Variants in ZFP90 observed in about 807,000 individuals in gnomAD.
The protein encoded by ZFP90 is zinc finger protein 90 homolog.
Under a neutral mutation model 60.8 loss-of-function variants are expected in ZFP90, and 38 were observed. The ratio of observed to expected loss-of-function variants is 0.62; its 90% CI spans 0.48 to 0.82. The LOEUF is 0.82. ZFP90 is among the 40% of genes least tolerant of loss of function. The pLI is 0.00. For synonymous variants in ZFP90, 287 were observed against 264.8 expected (o/e 1.08, Z -0.82); for missense variants, 711 against 759.1 (o/e 0.94, Z 0.74).
chr16:68,558,691 C>T lies in ZFP90; in HGVS notation c.256+123C>T, dbSNP rs535443084. 2.6e-4 allele frequency: 200 copies of T among 783,890 alleles called. 3 individuals carry two copies. In the South Asian group the frequency reaches 2.9e-3, roughly 11 times the overall value. The allele number at this position is 783,890 out of a possible 1,614,324, so 48.6% of individuals were successfully genotyped here. On this transcript the variant is annotated intron_variant, in intron 4 of 4. Coordinates refer to ENST00000563169, the MANE Select transcript of ZFP90 (RefSeq NM_001305203.2). The stretch of plus-strand genomic sequence containing the variant: ...GATCTGCATAGGAGGCTGAAGCCAT[C>T]GCCTGGCCGACACCTTGTAGGTCTC...
At chr16:68,555,530 G>A (rs1728765) in intron 2 of ZFP90, among the ~76,000 whole-genome samples, 116,935 of 152,132 alleles carry the variant, frequency 0.77, 45,023 homozygotes, top group East Asian at 0.82. Flanking sequence ...AACTCATTCA[G>A]GAAACAGAGA....
In ZFP90 at chr16:68,564,559, G is replaced by GA. The variant is rs747260313; in HGVS notation, c.1780dup (p.Thr594AsnfsTer5). On this transcript the variant is annotated frameshift_variant, in exon 5 of 5. Coordinates refer to ENST00000563169, the MANE Select transcript of ZFP90 (RefSeq NM_001305203.2). LOFTEE classifies it high-confidence loss of function. ...TGTAATGAATGTGGGAGAGCCTTCC[G>GA]AAAAAAAACCAACCTGCATGATCAT... 1.4e-5 allele frequency: 22 copies of GA among 1,612,678 alleles called. No individual in the cohort carries two copies. The highest frequency in any genetic ancestry group is 2.7e-5 in the African/African-American group (2 of 74,630).
intron 2 of ZFP90, among the ~76,000 whole-genome samples, chr16:68,543,029 G>A (rs1182799739): frequency 2.0e-5 from 3 of 152,166 alleles, no homozygotes; most frequent in Non-Finnish European, 4.4e-5. Flanking sequence ...GGGTCTGAGT[G>A]GGGAGGTGGG....
At chr16:68,536,249 G>C (rs1305511810), upstream of ZFP90, among the ~76,000 whole-genome samples, 1 of 152,146 alleles carries the variant, frequency 6.6e-6, no homozygotes, top group Non-Finnish European at 1.5e-5. Flanking sequence ...CTTGCAAGTA[G>C]GAGCGGTGGT....
rs1270558712 is a variant in ZFP90, at chr16:68,539,446, G to C, written c.-69G>C. 2.8e-6 allele frequency: 1 copy of C among 359,762 alleles called. No homozygotes were observed. The highest frequency in any genetic ancestry group is 2.1e-5 in the African/African-American group (1 of 47,618). 22.3% of individuals were successfully genotyped at this position (359,762 alleles called of 1,614,324 possible). On this transcript the variant is annotated 5_prime_UTR_variant, in exon 1 of 5. Coordinates refer to ENST00000563169, the MANE Select transcript of ZFP90 (RefSeq NM_001305203.2). The stretch of plus-strand genomic sequence containing the variant: ...AGGCTCTGGGTGGGCCGGAGGTCGC[G>C]AAATCCGGAGCCCCCCAGAGGCGGT...
chr16:68,569,261 T>A (rs538062502), downstream of ZFP90, among the ~76,000 whole-genome samples: 21 of 150,540 alleles, frequency 1.4e-4, no homozygotes, highest in Admixed American at 8.0e-4. Flanking sequence ...CTCAGCCTCC[T>A]GAGTAGCTGG....
downstream of ZFP90, among the ~76,000 whole-genome samples, chr16:68,569,768 CGTG>C (rs534636237): frequency 9.0e-3 from 1,377 of 152,188 alleles, 15 homozygotes; most frequent in Middle Eastern, 0.014. Context: ...AGTCTCATAA[CGTG>C]GTCTCAAAAA....
rs143435333 is a variant in ZFP90, at chr16:68,565,651, C to T, written c.*953C>T. The T allele has an allele frequency of 0.018, 18,021 of 985,532 alleles. 181 individuals carry two copies. Among genetic ancestry groups the T allele is most frequent in the Non-Finnish European group, 0.02 (16,481 of 829,918 alleles). The allele number at this position is 985,532 out of a possible 1,614,324, so 61.0% of individuals were successfully genotyped here. On this transcript the variant is annotated 3_prime_UTR_variant, in exon 5 of 5. Coordinates refer to ENST00000563169, the MANE Select transcript of ZFP90 (RefSeq NM_001305203.2). ...TGGCATGCCCATGAAAAAGCACTTT[C>T]TTAAGCCTACAGTATCAGATCAATG...
chr16:68,536,051 C>T (rs188612456), upstream of ZFP90, among the ~76,000 whole-genome samples: 2 of 152,310 alleles, frequency 1.3e-5, no homozygotes, highest in Admixed American at 6.5e-5. Flanking sequence ...GCACCTTTCC[C>T]CTGGGGGCTA....
chr16:68,564,613 A>G lies in ZFP90; in HGVS notation c.1826A>G (p.Tyr609Cys), dbSNP rs1344389472. ...AGAATTCATACTGGAGAAAAACCCT[A>G]TTCTTGTAAGGAATGTGGGAAAAAC... ...HQRIHTGEKPYSCKECGKNFS... is the reference protein window; with the variant it reads ...HQRIHTGEKPCSCKECGKNFS... Residue 609 changes from tyrosine (Y) to cysteine (C), a missense_variant, in exon 5 of 5, where the codon TAT (tyrosine) becomes TGT (cysteine). Coordinates refer to ENST00000563169, the MANE Select transcript of ZFP90 (RefSeq NM_001305203.2). 19 of 1,614,000 alleles carry G rather than the reference A, an allele frequency of 1.2e-5. 1 individual carries two copies. In the South Asian group the frequency reaches 1.6e-4, roughly 14 times the overall value.
At chr16:68,550,184 A>T (rs1406261046) in intron 2 of ZFP90, among the ~76,000 whole-genome samples, 2 of 152,200 alleles carry the variant, frequency 1.3e-5, no homozygotes, top group Non-Finnish European at 2.9e-5. Context: ...ACATGTGATA[A>T]ATGTTTTAAA....
chr16:68,539,959 C>T, intron 2 of ZFP90, 134 bp downstream of exon 2: 5 of 1,293,606 alleles, frequency 3.9e-6, no homozygotes, highest in East Asian at 5.5e-5. Flanking sequence ...GCCTCCTGGC[C>T]ATGGAAAACC....
chr16:68,561,294 G>A (rs1645938), intron 4 of ZFP90, among the ~76,000 whole-genome samples: 116,909 of 152,162 alleles, frequency 0.77, 44,997 homozygotes, highest in East Asian at 0.82. Flanking sequence ...GTTCCCTATC[G>A]TACTTCCAGT....
At chr16:68,550,769 G>A (rs1004931892) in intron 2 of ZFP90, among the ~76,000 whole-genome samples, 1 of 152,182 alleles carries the variant, frequency 6.6e-6, no homozygotes, top group East Asian at 1.9e-4. Flanking sequence ...CCATTCCCTG[G>A]ATTAATGCTG....
downstream of ZFP90, among the ~76,000 whole-genome samples, chr16:68,569,611 A>G (rs1319108663): frequency 1.3e-5 from 2 of 152,144 alleles, no homozygotes; most frequent in Non-Finnish European, 2.9e-5. Flanking sequence ...AAGAAAAGGA[A>G]TCAGAAGAGG....
upstream of ZFP90, among the ~76,000 whole-genome samples, chr16:68,534,879 C>T (rs2152048966): frequency 6.6e-6 from 1 of 151,994 alleles, no homozygotes; most frequent in South Asian, 2.1e-4. Flanking sequence ...TGTACTCCAG[C>T]CTGGGTGACA....
At chr16:68,563,013 A>G in intron 4 of ZFP90, 31 bp from the exon 5 acceptor site, 1 of 1,612,898 alleles carries the variant, frequency 6.2e-7, no homozygotes, top group East Asian at 2.2e-5. Flanking sequence ...AGGAAGGAAT[A>G]GGGGACTTTT....
At chr16:68,540,703 G>T (rs1010016556) in intron 2 of ZFP90, among the ~76,000 whole-genome samples, 2 of 150,626 alleles carry the variant, frequency 1.3e-5, no homozygotes, top group Non-Finnish European at 2.9e-5. Context: ...CAGGTACAGT[G>T]GGTCACACCT....
In ZFP90 at chr16:68,539,845, C is replaced by T. The variant is rs756995396; in HGVS notation, c.33+20C>T. The T allele has an allele frequency of 5.2e-5, 84 of 1,605,446 alleles. No homozygotes were observed. The highest frequency in any genetic ancestry group is 3.3e-4 in the Middle Eastern group (2 of 6,070). On this transcript the variant is annotated intron_variant, in intron 2 of 4. Transcript: ENST00000563169. ...CCCCAGGTGAGCAACGCGTTCCTAACCTCCTGGGCATCCCATCCATCTATC... is the reference window on the plus strand; with the variant it reads ...CCCCAGGTGAGCAACGCGTTCCTAATCTCCTGGGCATCCCATCCATCTATC...
Sources: allele counts gnomAD v4.1 joint callset (sites outside exome capture counted in the v4.1 genomes callset), GRCh38; gene constraint gnomAD v4.1.1; transcripts MANE v1.5; gene names NCBI Gene and HGNC (gene_info 2026-07-23, HGNC 2026-07-21).